The following PFKM variants were observed in gnomAD, a reference collection of about 807,000 sequenced individuals.
PFKM encodes the protein phosphofructokinase, muscle.
In PFKM, 58 loss-of-function variants were observed where a neutral mutation model predicts 95.5. The observed-to-expected ratio is 0.61, with a 90% CI of 0.49 to 0.76. The LOEUF (loss-of-function observed/expected upper bound fraction) is 0.76, where lower values mean the gene tolerates loss of function less well. Ranked by LOEUF, PFKM falls within the 30% of genes least tolerant of loss-of-function variation. The pLI is 0.00. For missense variants in PFKM, 678 were observed against 1,005.4 expected (o/e 0.67, Z 4.40); for synonymous variants, 336 against 357.2 (o/e 0.94, Z 0.67).
At chr12:48,105,523 A>G (rs1946465013), upstream of PFKM, 9 of 518,600 alleles carry the variant, frequency 1.7e-5, no homozygotes, top group Admixed American at 1.7e-4. Context: ...TCAGGGAGAT[A>G]CCACAGAGTA....
chr12:48,142,881 G>T lies in PFKM; in HGVS notation c.1753G>T (p.Gly585Ter), dbSNP rs1183906589. 6.2e-7 allele frequency: 1 copy of T among 1,614,046 alleles called. No individual in the cohort carries two copies. The highest frequency in any genetic ancestry group is 8.5e-7 in the Non-Finnish European group (1 of 1,180,034). The change falls in exon 18 of 23, where the codon GGA (glycine) becomes TGA (stop). Residue 585 changes from glycine (G) to a stop codon, truncating the protein, a stop_gained. Coordinates refer to ENST00000359794, the MANE Select transcript of PFKM (RefSeq NM_000289.6). LOFTEE classifies it high-confidence loss of function. ...CTGTGGCTACCTGGCTACCATGGCT[G>T]GACTGGCAGCTGGGGCCGATGCTGC... ...GYCGYLATMAGLAAGADAAYI... is the reference protein window; with the variant it reads ...GYCGYLATMA
In PFKM at chr12:48,143,993, G is replaced by C. The variant is rs1266575434; in HGVS notation, c.1881-53G>C. ...GAAAGGAAAGAACAAAGGCAGAAATGGGGGATGGGAAGCCAACCACAGAGT... is the reference window on the plus strand; with the variant it reads ...GAAAGGAAAGAACAAAGGCAGAAATCGGGGATGGGAAGCCAACCACAGAGT... On this transcript the variant is annotated intron_variant, in intron 19 of 22. Transcript: ENST00000359794. The C allele has an allele frequency of 2.0e-5, 26 of 1,300,540 alleles. No individual in the cohort carries two copies. In the Admixed American group the frequency reaches 4.4e-4, roughly 22 times the overall value. The allele number at this position is 1,300,540 out of a possible 1,614,324, so 80.6% of individuals were successfully genotyped here. A position where few individuals can be genotyped will look rare whatever the true frequency, so the allele number is the denominator to read the frequency against.
At chr12:48,120,445 A>C (rs1429281938) in intron 1 of PFKM, among the ~76,000 whole-genome samples, 2 of 152,174 alleles carry the variant, frequency 1.3e-5, no homozygotes, top group Non-Finnish European at 2.9e-5. Context: ...GAGAGTTTTT[A>C]AAAATGATCA....
intron 19 of PFKM, 40 bp from the exon 20 acceptor site, chr12:48,144,006 C>A: frequency 7.0e-7 from 1 of 1,425,574 alleles, no homozygotes; most frequent in Non-Finnish European, 9.9e-7. Flanking sequence ...GGATGGGAAG[C>A]CAACCACAGA....
chr12:48,117,687 A>G (rs529092684), upstream of PFKM, among the ~76,000 whole-genome samples: 1 of 152,348 alleles, frequency 6.6e-6, no homozygotes, highest in South Asian at 2.1e-4. Flanking sequence ...GTCACTGAAA[A>G]GAGTCAAACT....
At chr12:48,138,239 T>C (rs77103824) in intron 11 of PFKM, among the ~76,000 whole-genome samples, 2,967 of 152,308 alleles carry the variant, frequency 0.019, 62 homozygotes, top group East Asian at 0.092. Flanking sequence ...GATTTCTATC[T>C]TGAACATGTT....
In PFKM at chr12:48,110,975, G is replaced by GT. The variant is rs1460172644; in HGVS notation, c.205+2783dup. ...CCCCTAGGCTTTTCAAAGAAAGGTG[G>GT]TTAGCATTTCAAGATAGGTAAGAGT... is the stretch of plus-strand genomic sequence containing the variant. On this transcript the variant is annotated intron_variant, in intron 3 of 24. Coordinates refer to the PFKM transcript ENST00000340802. 2.0e-5 allele frequency among the ~76,000 whole-genome samples: 3 copies of GT among 152,288 alleles called. No individual in the cohort carries two copies. In the South Asian group the frequency reaches 6.2e-4, roughly 32 times the overall value.
chr12:48,113,268 G>A (rs1947366041), intron 3 of PFKM, among the ~76,000 whole-genome samples: 1 of 152,160 alleles, frequency 6.6e-6, no homozygotes, highest in African/African-American at 2.4e-5. Context: ...TGAAAAGAAG[G>A]TAATGTGGAG....
intron 3 of PFKM, among the ~76,000 whole-genome samples, chr12:48,110,592 C>A (rs895273552): frequency 2.6e-5 from 4 of 152,146 alleles, no homozygotes; most frequent in Admixed American, 6.5e-5. Context: ...ACATAAAAAA[C>A]CCCTGGCCTG....
At chr12:48,139,506 T>A in intron 12 of PFKM, 157 bp downstream of exon 12, 1 of 692,176 alleles carries the variant, frequency 1.4e-6, no homozygotes, top group Non-Finnish European at 2.6e-6. Context: ...AGTTGTGAGG[T>A]GACTGGGAGG....
At chr12:48,109,569 A>G (rs1260317921) in intron 3 of PFKM, among the ~76,000 whole-genome samples, 1 of 151,860 alleles carries the variant, frequency 6.6e-6, no homozygotes, top group African/African-American at 2.4e-5. Flanking sequence ...GCTCTGGTGT[A>G]CCTAAAACTC....
intron 6 of PFKM, 66 bp from the exon 7 acceptor site, chr12:48,134,166 T>C: frequency 1.5e-6 from 2 of 1,338,910 alleles, no homozygotes; most frequent in South Asian, 2.3e-5. Flanking sequence ...TTGGCCTAGA[T>C]GTGGGTGGTG....
intron 2 of PFKM, chr12:48,125,355 C>T: frequency 2.2e-6 from 1 of 449,562 alleles, no homozygotes; most frequent in Non-Finnish European, 4.5e-6. Flanking sequence ...GGTGCAGTGG[C>T]TCACACCTGT....
chr12:48,106,797 A>C (rs1360364517), intron 1 of PFKM, among the ~76,000 whole-genome samples: 2 of 152,164 alleles, frequency 1.3e-5, no homozygotes, highest in Non-Finnish European at 2.9e-5. Context: ...GGAATTTGAA[A>C]CAGGCAGAGC....
chr12:48,121,858 A>G (rs541600242), intron 1 of PFKM, among the ~76,000 whole-genome samples: 1 of 152,268 alleles, frequency 6.6e-6, no homozygotes, highest in South Asian at 2.1e-4. Flanking sequence ...AAGGGAGGAG[A>G]TAAATTTAAA....
intron 2 of PFKM, among the ~76,000 whole-genome samples, chr12:48,123,907 T>TA (rs1948552278): frequency 6.6e-6 from 1 of 152,206 alleles, no homozygotes; most frequent in East Asian, 1.9e-4. Flanking sequence ...AGTGAAAACT[T>TA]CATGGAGAAG....
chr12:48,125,621 C>CAA (rs562841214), intron 2 of PFKM: 263 of 102,942 alleles, frequency 2.6e-3, no homozygotes, highest in African/African-American at 5.6e-3. Flanking sequence ...AACTCTGTCT[C>CAA]AAAAAAAAAA....
At position 48,131,394 on chromosome 12, in the gene PFKM, G is replaced by A. The variant is rs202143236; in HGVS notation, c.237+1G>A. 7.3e-5 allele frequency: 117 copies of A among 1,606,674 alleles called. No homozygotes were observed. Among genetic ancestry groups the A allele is most frequent in the Non-Finnish European group, 1.6e-5 (19 of 1,173,444 alleles). ...GAGCGTTTCGATGATGCTTCAGCTG[G>A]TATGTTCCAGAGAACTCCCTGTCCC... On this transcript the variant is annotated splice_donor_variant, in intron 4 of 22. Transcript: ENST00000359794. LOFTEE classifies it high-confidence loss of function.
In PFKM at chr12:48,134,217, G is replaced by A; in HGVS notation, c.594-15G>A. Reference sequence around the variant, plus strand: ...TAGGGTCACTTGGACTGTGTCATATGTCTATCTCTTGCAGCCACCAGAGGA... The same window carrying A: ...TAGGGTCACTTGGACTGTGTCATATATCTATCTCTTGCAGCCACCAGAGGA... On this transcript the variant is annotated splice_polypyrimidine_tract_variant and intron_variant, in intron 6 of 22. Transcript: ENST00000359794. The A allele has an allele frequency of 1.9e-6, 3 of 1,612,598 alleles. No individual in the cohort carries two copies. Among genetic ancestry groups the A allele is most frequent in the Non-Finnish European group, 1.7e-6 (2 of 1,178,588 alleles).
Sources: gnomAD v4.1 joint callset for allele counts (sites outside exome capture counted in the v4.1 genomes callset) on GRCh38, gnomAD v4.1.1 for gene constraint, MANE v1.5 for transcripts, NCBI Gene and HGNC (gene_info 2026-07-23, HGNC 2026-07-21) for gene names.